The following NEDD4 variants were observed in gnomAD, a reference collection of about 807,000 sequenced individuals.
NEDD4 encodes E3 ubiquitin-protein ligase NEDD4.
Under a neutral mutation model 144.9 loss-of-function variants are expected in NEDD4, and 99 were observed. The ratio of observed to expected loss-of-function variants is 0.68; its 90% confidence interval spans 0.58 to 0.81. NEDD4 has a LOEUF of 0.81. Among genes scored for constraint, NEDD4 ranks in the 30% least tolerant of loss-of-function variants. NEDD4 has a pLI of 0.00. For missense variants in NEDD4, 985 were observed against 1,065.9 expected, an observed-to-expected ratio of 0.92 and a Z score of 1.06; for synonymous variants, 318 against 350.6, an observed-to-expected ratio of 0.91 and a Z score of 1.04.
chr15:55,917,323 A>G (rs1400306367), intron 5 of NEDD4, among the ~76,000 whole-genome samples: 1 of 152,164 alleles, frequency 6.6e-6, no homozygotes, highest in Admixed American at 6.5e-5. Context: ...TTGCCCACTA[A>G]TATTTTTACC....
At chr15:55,942,908 T>C (rs535241434) in intron 4 of NEDD4, among the ~76,000 whole-genome samples, 1 of 152,182 alleles carries the variant, frequency 6.6e-6, no homozygotes, top group Non-Finnish European at 1.5e-5. Flanking sequence ...GATAGTGATA[T>C]GAACAGGAAA....
At chr15:55,875,834 G>A (rs1308622411) in intron 5 of NEDD4, among the ~76,000 whole-genome samples, 1 of 151,696 alleles carries the variant, frequency 6.6e-6, no homozygotes, top group Non-Finnish European at 1.5e-5. Flanking sequence ...TAGGTAATAG[G>A]GCAGAAAAAT....
intron 2 of NEDD4, among the ~76,000 whole-genome samples, chr15:55,957,687 G>T (rs1282205966): frequency 6.6e-6 from 1 of 152,148 alleles, no homozygotes; most frequent in Non-Finnish European, 1.5e-5. Context: ...GTTTATTACG[G>T]CACTATTCAC....
At chr15:55,921,955 C>A (rs1037536527) in intron 5 of NEDD4, among the ~76,000 whole-genome samples, 6 of 152,166 alleles carry the variant, frequency 3.9e-5, no homozygotes, top group Non-Finnish European at 8.8e-5. Flanking sequence ...TTGTGGACAA[C>A]ATGCAAATAA....
intron 5 of NEDD4, chr15:55,917,224 C>T: frequency 1.1e-6 from 1 of 910,622 alleles, no homozygotes; most frequent in Admixed American, 5.3e-5. Context: ...TCTAACATTT[C>T]AAGTTGAAAC....
chr15:55,840,755 T>A, intron 19 of NEDD4, 28 bp from the exon 20 acceptor site: 1 of 1,585,264 alleles, frequency 6.3e-7, no homozygotes, highest in Admixed American at 1.9e-5. Context: ...TTTAAATACT[T>A]CATTTGAAAA....
intron 1 of NEDD4, among the ~76,000 whole-genome samples, chr15:55,988,487 T>TAAAAAAAAAAAAAAAA (rs56688563): frequency 8.5e-4 from 86 of 101,618 alleles, no homozygotes; most frequent in East Asian, 1.4e-3. Context: ...AAAAAAAAAT[T>TAAAAAAAAAAAAAAAA]AAAAAAAAAA....
intron 5 of NEDD4, among the ~76,000 whole-genome samples, chr15:55,875,974 C>CACACCAT (rs1442828769): frequency 1.3e-5 from 2 of 152,068 alleles, no homozygotes; most frequent in African/African-American, 2.4e-5. Context: ...TTATTAAACG[C>CACACCAT]TGAAAACAAA....
intron 5 of NEDD4, among the ~76,000 whole-genome samples, chr15:55,902,956 G>C (rs1039090450): frequency 2.0e-5 from 3 of 152,180 alleles, no homozygotes; most frequent in South Asian, 4.2e-4. Context: ...AACCGAGATC[G>C]TGCTATTGCA....
chr15:55,938,653 T>C (rs992427476), intron 4 of NEDD4, among the ~76,000 whole-genome samples: 3 of 151,502 alleles, frequency 2.0e-5, no homozygotes, highest in Non-Finnish European at 4.4e-5. Flanking sequence ...AAAGAAACAA[T>C]CAACAAAGTG....
chr15:55,850,042 C>G (rs12898478), intron 14 of NEDD4, among the ~76,000 whole-genome samples: 1 of 152,168 alleles, frequency 6.6e-6, no homozygotes, highest in East Asian at 1.9e-4. Context: ...CTCGTGATCT[C>G]CCCCCTCGGC....
At chr15:55,886,217 T>TAA (rs1260995051) in intron 5 of NEDD4, among the ~76,000 whole-genome samples, 1 of 152,170 alleles carries the variant, frequency 6.6e-6, no homozygotes, top group Non-Finnish European at 1.5e-5. Flanking sequence ...TTATTAGCGA[T>TAA]AAAGAGAGAG....
At chr15:55,843,881 A>G (rs1178544193) in intron 18 of NEDD4, among the ~76,000 whole-genome samples, 1 of 150,884 alleles carries the variant, frequency 6.6e-6, no homozygotes, top group African/African-American at 2.4e-5. Flanking sequence ...GATGGGGAAT[A>G]AAGGGAATAA....
intron 1 of NEDD4, among the ~76,000 whole-genome samples, chr15:55,990,479 G>A (rs745572371): frequency 5.3e-5 from 8 of 152,098 alleles, no homozygotes; most frequent in South Asian, 2.1e-4. Context: ...CCACTACTTC[G>A]GTGACTTCCT....
chr15:55,910,608 G>C lies in NEDD4; in HGVS notation c.291+14038C>G, dbSNP rs528393976. Among the ~76,000 whole-genome samples, 11 of 151,634 alleles carry C rather than the reference G, an allele frequency of 7.3e-5. No individual in the cohort carries two copies. The South Asian group carries it at 2.3e-3, about 32-fold the overall frequency. On this transcript the variant is annotated intron_variant, in intron 5 of 28. Transcript: ENST00000435532. ...CGTGTTCATCCTTATCTGAGGCTTT[G>C]ACTATACTCCTGACTCCCAATCTAC...
chr15:55,904,435 TGG>T (rs2036019249), intron 5 of NEDD4, among the ~76,000 whole-genome samples: 1 of 151,926 alleles, frequency 6.6e-6, no homozygotes. Context: ...CCTGAGTAGC[TGG>T]GATTACAGGC....
At chr15:55,899,759 TC>T (rs1311360511) in intron 5 of NEDD4, among the ~76,000 whole-genome samples, 2 of 152,190 alleles carry the variant, frequency 1.3e-5, no homozygotes, top group Non-Finnish European at 2.9e-5. Context: ...ATGGAAATGT[TC>T]TGTACTACTG....
At chr15:55,843,284 G>C (rs1406579264) in intron 18 of NEDD4, among the ~76,000 whole-genome samples, 3 of 152,184 alleles carry the variant, frequency 2.0e-5, no homozygotes, top group African/African-American at 7.2e-5. Context: ...GGAATGGCAG[G>C]TTAACGTGTT....
intron 12 of NEDD4, 50 bp downstream of exon 12, chr15:55,856,081 G>C: frequency 6.7e-7 from 1 of 1,494,504 alleles, no homozygotes; most frequent in Non-Finnish European, 9.3e-7. Flanking sequence ...AATAAAAAGA[G>C]ATGCTGAGTT....
Sources: allele counts gnomAD v4.1 joint callset (sites outside exome capture counted in the v4.1 genomes callset), GRCh38; gene constraint gnomAD v4.1.1; transcripts MANE v1.5; gene names NCBI Gene and HGNC (gene_info 2026-07-23, HGNC 2026-07-21).